RP1: variants seen among roughly 807,000 people sequenced by gnomAD.
RP1 encodes oxygen-regulated protein 1.
Under a neutral mutation model 14.8 loss-of-function variants are expected in RP1, and 16 were observed. The observed-to-expected ratio is 1.08, with a 90% CI of 0.73 to 1.65. The LOEUF (loss-of-function observed/expected upper bound fraction) is 1.65. Ranked by LOEUF, RP1 falls within the 40% of genes most tolerant of loss-of-function variation. The pLI is 0.00. For missense variants in RP1, 2,631 were observed against 2,535.0 expected (o/e 1.04, Z -0.81); for synonymous variants, 876 against 883.6 (o/e 0.99, Z 0.15).
In RP1 at chr8:54,624,889, A is replaced by T. The variant is rs1585561638; in HGVS notation, c.1007A>T (p.Lys336Ile). The change falls in exon 4 of 4, where the codon AAA becomes ATA. Residue 336 changes from lysine (K) to isoleucine (I), a missense_variant. Lys to Ile is a moderately radical substitution (Grantham distance 102, BLOSUM62 -3). Coordinates refer to ENST00000220676, the MANE Select transcript of RP1 (RefSeq NM_006269.2). ...NQDGTMTVEM[K>I]VRFRIKEEET... ...GACGGCACTATGACAGTTGAGATGA[A>T]AGTTCGATTCAGAATAAAAGAGGAA... The T allele has an allele frequency of 6.2e-7, 1 of 1,613,952 alleles. No individual in the cohort carries two copies. Among genetic ancestry groups the T allele is most frequent in the East Asian group, 2.2e-5 (1 of 44,878 alleles).
intron 12 of RP1, among the ~76,000 whole-genome samples, chr8:54,695,202 T>A (rs1440175644): frequency 1.3e-5 from 2 of 152,168 alleles, no homozygotes; most frequent in African/African-American, 4.8e-5. Flanking sequence ...TTATAATTTC[T>A]GTTCTTTTGC....
chr8:54,682,008 A>G (rs1313178157), intron 12 of RP1, among the ~76,000 whole-genome samples: 1 of 152,034 alleles, frequency 6.6e-6, no homozygotes, highest in Non-Finnish European at 1.5e-5. Context: ...GAACGTACGC[A>G]GGCATGTATC....
At chr8:54,760,626 A>G (rs1809615565) in intron 22 of RP1, among the ~76,000 whole-genome samples, 1 of 152,268 alleles carries the variant, frequency 6.6e-6, no homozygotes, top group Non-Finnish European at 1.5e-5. Flanking sequence ...AGGCTTTATA[A>G]CATCTGACTC....
intron 24 of RP1, among the ~76,000 whole-genome samples, chr8:54,827,844 G>A (rs1166340541): frequency 6.6e-6 from 1 of 151,390 alleles, no homozygotes. Flanking sequence ...GTAGCAGTAA[G>A]CTGAGATCAC....
At chr8:54,632,560 A>C (rs1394834309), downstream of RP1, among the ~76,000 whole-genome samples, 1 of 152,268 alleles carries the variant, frequency 6.6e-6, no homozygotes. Flanking sequence ...ATGGATAAGA[A>C]GTGCATTTGA....
Position 54,628,585 on chromosome 8 carries a change from A to G in RP1, c.4703A>G (p.Glu1568Gly), listed in dbSNP as rs1401742058. ...KMVKMMVKTM[E>G]TGSYSESSPD... ...GTAAAAATGATGGTGAAAACTATGG[A>G]AACTGGAAGTTATTCAGAGTCCTCT... The change falls in exon 4 of 4, where the codon GAA becomes GGA. Residue 1568 changes from glutamate (E) to glycine (G), a missense_variant. Physicochemically the swap from Glu to Gly is moderately conservative, Grantham distance 98. Coordinates refer to ENST00000220676, the MANE Select transcript of RP1 (RefSeq NM_006269.2). The G allele has an allele frequency of 1.2e-6, 2 of 1,614,040 alleles. No homozygotes were observed. Among genetic ancestry groups the G allele is most frequent in the South Asian group, 2.2e-5 (2 of 91,076 alleles).
intron 17 of RP1, among the ~76,000 whole-genome samples, chr8:54,731,048 T>G (rs1004292732): frequency 1.2e-4 from 19 of 152,126 alleles, no homozygotes; most frequent in Non-Finnish European, 2.9e-5. Context: ...GAATAGCATA[T>G]AGAGGCTATA....
intron 19 of RP1, chr8:54,739,066 C>G: frequency 7.0e-7 from 1 of 1,430,328 alleles, no homozygotes; most frequent in Non-Finnish European, 9.4e-7. Flanking sequence ...CATAGTTATT[C>G]TCTGATGAAA....
chr8:54,761,916 C>T (rs1208177627), intron 22 of RP1, among the ~76,000 whole-genome samples: 1 of 152,124 alleles, frequency 6.6e-6, no homozygotes, highest in Admixed American at 6.5e-5. Context: ...ACAGCAGGTT[C>T]CTTTCTACTG....
chr8:54,583,537 C>A (rs1454601073), intron 1 of RP1, among the ~76,000 whole-genome samples: 1 of 152,188 alleles, frequency 6.6e-6, no homozygotes, highest in African/African-American at 2.4e-5. Flanking sequence ...GGAGGATTCC[C>A]TCTTTTTCTA....
chr8:54,604,987 C>T (rs1291532850), intron 1 of RP1, among the ~76,000 whole-genome samples: 2 of 152,016 alleles, frequency 1.3e-5, no homozygotes, highest in Non-Finnish European at 2.9e-5. Flanking sequence ...TTCAAAAAAC[C>T]AGCTCCTGGA....
intron 1 of RP1, among the ~76,000 whole-genome samples, chr8:54,563,875 CT>C (rs985953620): frequency 1.6e-4 from 24 of 152,150 alleles, no homozygotes; most frequent in Admixed American, 1.3e-3. Context: ...CAACCAAAAT[CT>C]TCACACCTTG....
At chr8:54,755,563 T>A (rs1783624486) in intron 20 of RP1, 12 of 1,506,172 alleles carry the variant, frequency 8.0e-6, no homozygotes, top group Non-Finnish European at 1.1e-5. Flanking sequence ...GTTCTGTTTG[T>A]ATGGATTTCA....
intron 22 of RP1, among the ~76,000 whole-genome samples, chr8:54,767,020 A>T (rs1809776841): frequency 6.6e-6 from 1 of 152,162 alleles, no homozygotes; most frequent in Non-Finnish European, 1.5e-5. Context: ...AACTTGCTTC[A>T]CTATCCAAGG....
chr8:54,593,329 G>A (rs1805080270), intron 1 of RP1, among the ~76,000 whole-genome samples: 1 of 152,112 alleles, frequency 6.6e-6, no homozygotes, highest in Non-Finnish European at 1.5e-5. Flanking sequence ...TATTATTAAA[G>A]GTTGTTTTCA....
intron 7 of RP1, among the ~76,000 whole-genome samples, chr8:54,666,468 G>A (rs1200332771): frequency 1.3e-5 from 2 of 152,028 alleles, no homozygotes; most frequent in Admixed American, 6.6e-5. Flanking sequence ...GGTAATTTAG[G>A]AGCCAGTTGT....
rs769836148 is a variant in RP1 at position 54,629,219 on chromosome 8, C to G, written c.5337C>G (p.Asn1779Lys). Residue 1779 changes from asparagine to lysine, a missense_variant, in exon 4 of 4, where the codon AAC (asparagine) becomes AAG (lysine). Transcript: ENST00000220676. ...TTSVDTLLDNNSSEVPYSHFG... is the reference protein window; with the variant it reads ...TTSVDTLLDNKSSEVPYSHFG... Reference sequence around the variant, plus strand: ...CAGTGGACACCCTACTTGATAATAACAGCAGTGAGGTACCATATTCACATT... The same window carrying G: ...CAGTGGACACCCTACTTGATAATAAGAGCAGTGAGGTACCATATTCACATT... 2 of 1,613,968 alleles carry G rather than the reference C, an allele frequency of 1.2e-6. No individual in the cohort carries two copies. Among genetic ancestry groups the G allele is most frequent in the East Asian group, 2.2e-5 (1 of 44,882 alleles).
At chr8:54,589,465 GA>G (rs1428876058) in intron 1 of RP1, among the ~76,000 whole-genome samples, 2 of 151,838 alleles carry the variant, frequency 1.3e-5, no homozygotes, top group South Asian at 2.1e-4. Context: ...AGAGAAAGTG[GA>G]AAAAAAGGGC....
intron 26 of RP1, among the ~76,000 whole-genome samples, chr8:54,855,972 C>CACACA (rs10573058): frequency 4.2e-5 from 3 of 70,620 alleles, no homozygotes; most frequent in South Asian, 4.6e-4. Flanking sequence ...CACACACACA[C>CACACA]CCCCTATAAC....
Sources: gnomAD v4.1 joint callset for allele counts (sites outside exome capture counted in the v4.1 genomes callset) on GRCh38, gnomAD v4.1.1 for gene constraint, MANE v1.5 for transcripts, NCBI Gene and HGNC (gene_info 2026-07-23, HGNC 2026-07-21) for gene names.